NDUFAF2: variants seen among roughly 807,000 people sequenced by gnomAD.
The protein encoded by NDUFAF2 is NADH:ubiquinone oxidoreductase complex assembly factor 2, also known as NADH dehydrogenase [ubiquinone] 1 alpha subcomplex assembly factor 2.
NDUFAF2 carries 13 observed loss-of-function variants against 22.8 expected under a neutral mutation model. The observed-to-expected ratio is 0.57, with a 90% CI of 0.37 to 0.91. NDUFAF2 has a LOEUF of 0.91. NDUFAF2 is among the 40% of genes least tolerant of loss of function. The pLI, the probability that NDUFAF2 is intolerant of heterozygous loss-of-function variation, is 0.01. For missense variants in NDUFAF2, 162 were observed against 195.2 expected (o/e 0.83, Z 1.01); for synonymous variants, 53 against 64.2 (o/e 0.83, Z 0.84).
chr5:61,096,449 A>G (rs2111763389), intron 2 of NDUFAF2, among the ~76,000 whole-genome samples: 1 of 152,034 alleles, frequency 6.6e-6, no homozygotes, highest in African/African-American at 2.4e-5. Context: ...AAATACAAAA[A>G]TTAGCTGGGC....
intron 3 of NDUFAF2, among the ~76,000 whole-genome samples, chr5:61,141,752 A>G (rs997371583): frequency 6.6e-6 from 1 of 152,194 alleles, no homozygotes; most frequent in African/African-American, 2.4e-5. Context: ...GTCCCCTGCA[A>G]CAAGTCCTAG....
intron 3 of NDUFAF2, among the ~76,000 whole-genome samples, chr5:61,128,597 T>C (rs1016364023): frequency 1.3e-5 from 2 of 152,208 alleles, no homozygotes; most frequent in Non-Finnish European, 2.9e-5. Flanking sequence ...GCTAGCCATA[T>C]GTAGAGAGCT....
chr5:61,074,429 A>G (rs1752340668), intron 2 of NDUFAF2, among the ~76,000 whole-genome samples: 1 of 152,198 alleles, frequency 6.6e-6, no homozygotes, highest in African/African-American at 2.4e-5. Flanking sequence ...TCTACTAAAA[A>G]TACAAAAATT....
At chr5:61,128,693 A>G (rs1753068275) in intron 3 of NDUFAF2, among the ~76,000 whole-genome samples, 1 of 152,144 alleles carries the variant, frequency 6.6e-6, no homozygotes, top group Non-Finnish European at 1.5e-5. Flanking sequence ...AACCACAAAA[A>G]CCCTACAAGA....
chr5:61,152,227 T>A (rs1042634836), intron 3 of NDUFAF2, among the ~76,000 whole-genome samples: 1 of 151,620 alleles, frequency 6.6e-6, no homozygotes, highest in African/African-American at 2.4e-5. Flanking sequence ...GAAATATTAA[T>A]AGATGAGGCT....
chr5:61,021,706 T>A (rs1429078531), intron 1 of NDUFAF2, among the ~76,000 whole-genome samples: 2 of 152,244 alleles, frequency 1.3e-5, no homozygotes, highest in Admixed American at 6.5e-5. Context: ...TGTTTAACAG[T>A]ATTTAATATT....
At chr5:61,015,204 AAAAC>A (rs1318055243) in intron 1 of NDUFAF2, among the ~76,000 whole-genome samples, 3 of 152,212 alleles carry the variant, frequency 2.0e-5, no homozygotes, top group South Asian at 2.1e-4. Context: ...TTCAGTGACT[AAAAC>A]AATATATACT....
chr5:60,993,701 T>C (rs962202657), intron 1 of NDUFAF2, among the ~76,000 whole-genome samples: 1 of 151,938 alleles, frequency 6.6e-6, no homozygotes, highest in Non-Finnish European at 1.5e-5. Flanking sequence ...AATGGATAGC[T>C]CCTCTCTGCA....
intron 2 of NDUFAF2, among the ~76,000 whole-genome samples, chr5:61,088,416 C>T (rs560757634): frequency 2.4e-4 from 37 of 152,104 alleles, no homozygotes; most frequent in African/African-American, 8.7e-4. Context: ...TTAAGAGTAT[C>T]ACTCATTGCC....
intron 3 of NDUFAF2, among the ~76,000 whole-genome samples, chr5:61,101,669 A>C (rs997481895): frequency 6.6e-6 from 1 of 152,020 alleles, no homozygotes; most frequent in South Asian, 2.1e-4. Flanking sequence ...ACTTTCTTTC[A>C]TATCTCCTAT....
intron 1 of NDUFAF2, among the ~76,000 whole-genome samples, chr5:60,985,880 A>G (rs1276211740): frequency 6.6e-6 from 1 of 152,106 alleles, no homozygotes; most frequent in Admixed American, 6.6e-5. Flanking sequence ...TCAAGATGAG[A>G]TTTGGGTGGG....
intron 1 of NDUFAF2, among the ~76,000 whole-genome samples, chr5:60,986,839 G>A (rs902571796): frequency 2.6e-5 from 4 of 151,744 alleles, no homozygotes; most frequent in African/African-American, 7.3e-5. Context: ...GGCTGAGGCA[G>A]GAGAATCGCC....
chr5:60,959,303 G>A (rs1750655042), intron 1 of NDUFAF2, among the ~76,000 whole-genome samples: 1 of 151,926 alleles, frequency 6.6e-6, no homozygotes, highest in Non-Finnish European at 1.5e-5. Context: ...TAGATTCACT[G>A]TTAAATTTTT....
At chr5:61,084,303 T>G (rs1752479414) in intron 2 of NDUFAF2, among the ~76,000 whole-genome samples, 1 of 151,594 alleles carries the variant, frequency 6.6e-6, no homozygotes, top group South Asian at 2.1e-4. Flanking sequence ...CCCTTTTCAT[T>G]GTGGTAAAGT....
intron 3 of NDUFAF2, among the ~76,000 whole-genome samples, chr5:61,126,339 A>G (rs1753035681): frequency 6.6e-6 from 1 of 152,054 alleles, no homozygotes; most frequent in Non-Finnish European, 1.5e-5. Flanking sequence ...TGTTTTGACA[A>G]TGTCTCTTCT....
intron 3 of NDUFAF2, among the ~76,000 whole-genome samples, chr5:61,099,916 G>A (rs295531): frequency 0.63 from 94,994 of 151,886 alleles, 30,523 homozygotes; most frequent in East Asian, 0.94. Context: ...TCTAGAGCAG[G>A]ATAATGATGA....
chr5:61,151,477 T>C lies in NDUFAF2; in HGVS notation c.259-1227T>C, dbSNP rs572545665. Among the ~76,000 whole-genome samples, 312 of 152,282 alleles carry C rather than the reference T, an allele frequency of 2.0e-3. 2 individuals carry two copies. The highest frequency in any genetic ancestry group is 7.2e-3 in the African/African-American group (300 of 41,554). ...AAAATTTCACACATTTAGAAATGCA[T>C]TGTAAAATCAGAAGGAATGGACCAG... On this transcript the variant is annotated intron_variant, in intron 3 of 3. Coordinates refer to ENST00000296597, the MANE Select transcript of NDUFAF2 (RefSeq NM_174889.5).
At chr5:61,070,192 G>T (rs980980460) in intron 1 of NDUFAF2, among the ~76,000 whole-genome samples, 1 of 152,102 alleles carries the variant, frequency 6.6e-6, no homozygotes, top group Non-Finnish European at 1.5e-5. Context: ...TGATGCTTGA[G>T]CAGGTACTTA....
intron 2 of NDUFAF2, among the ~76,000 whole-genome samples, chr5:61,095,476 G>C: frequency 6.6e-6 from 1 of 152,216 alleles, no homozygotes. Flanking sequence ...TGGAAGTGGG[G>C]CCTGCGGACC....
Sources: gnomAD v4.1 joint callset for allele counts (sites outside exome capture counted in the v4.1 genomes callset) on GRCh38, gnomAD v4.1.1 for gene constraint, MANE v1.5 for transcripts, NCBI Gene and HGNC (gene_info 2026-07-23, HGNC 2026-07-21) for gene names.